The following MERTK variants were observed in gnomAD, a reference collection of about 807,000 sequenced individuals.
MERTK encodes the protein tyrosine-protein kinase Mer.
Under a neutral mutation model 99.3 loss-of-function variants are expected in MERTK, and 69 were observed. The observed-to-expected ratio is 0.70, with a 90% CI of 0.57 to 0.85. MERTK has a LOEUF of 0.85. MERTK is among the 40% of genes least tolerant of loss of function. The pLI, the probability that MERTK is intolerant of heterozygous loss-of-function variation, is 0.00. For missense variants in MERTK, 1,125 were observed against 1,249.4 expected (o/e 0.90, Z 1.50); for synonymous variants, 426 against 467.6 (o/e 0.91, Z 1.15).
intron 6 of MERTK, among the ~76,000 whole-genome samples, chr2:111,970,372 T>C (rs1676080363): frequency 6.6e-6 from 1 of 151,706 alleles, no homozygotes; most frequent in South Asian, 2.1e-4. Flanking sequence ...GACCAGGCTG[T>C]TCTCAAACTC....
At chr2:111,929,602 A>ATTTATTTATTTAC in intron 2 of MERTK, 62 bp downstream of exon 2, 4 of 1,268,074 alleles carry the variant, frequency 3.2e-6, no homozygotes, top group African/African-American at 1.5e-5. Context: ...TTATTTACTT[A>ATTTATTTATTTAC]TTGAGACAGA....
intron 8 of MERTK, among the ~76,000 whole-genome samples, chr2:111,987,471 C>T (rs756214705): frequency 4.6e-5 from 7 of 152,148 alleles, no homozygotes; most frequent in Non-Finnish European, 8.8e-5. Flanking sequence ...GGAGGCAGGT[C>T]TTGCTCGTCT....
intron 4 of MERTK, among the ~76,000 whole-genome samples, chr2:111,963,844 T>C (rs1685303658): frequency 6.6e-6 from 1 of 152,144 alleles, no homozygotes. Context: ...AGGTGTTTTG[T>C]AGAATGTCCC....
intron 2 of MERTK, among the ~76,000 whole-genome samples, chr2:111,937,461 C>T (rs1479809000): frequency 1.3e-5 from 2 of 151,952 alleles, no homozygotes; most frequent in East Asian, 1.9e-4. Context: ...CAAAACAAAA[C>T]AAAAGTGGGT....
In MERTK at chr2:111,997,367, G is replaced by C; in HGVS notation, c.1495G>C (p.Ala499Pro). ...APSSTPAPGNADPVLIIFGCF... is the reference protein window; with the variant it reads ...APSSTPAPGNPDPVLIIFGCF... ...CTCTTCAACTCCGGCGCCTGGCAAC[G>C]CAGATCCTGTGCTCATCATCTTTGG... The change falls in exon 10 of 19, where the codon GCA (alanine) becomes CCA (proline). Residue 499 changes from alanine to proline, a missense_variant. By Grantham distance (27) the Ala-to-Pro change is conservative (BLOSUM62 -1). Transcript: ENST00000295408. The C allele has an allele frequency of 1.9e-6, 3 of 1,614,156 alleles. No homozygotes were observed. Among genetic ancestry groups the C allele is most frequent in the Non-Finnish European group, 2.5e-6 (3 of 1,180,026 alleles).
intron 1 of MERTK, among the ~76,000 whole-genome samples, chr2:111,914,260 C>T (rs943778063): frequency 1.3e-5 from 2 of 151,622 alleles, no homozygotes; most frequent in Admixed American, 6.6e-5. Context: ...TGCACCACCA[C>T]GCCCGGCTAA....
Position 111,968,201 on chromosome 2 carries a change from C to G in MERTK, c.909C>G (p.Ser303=), listed in dbSNP as rs757475529. ...RNSTAHSILI[S]WVPGFDGYSP... ...GCACTGCACACAGCATTCTGATCTCCTGGGTTCCTGGTTTTGATGGATACT... is the reference window on the plus strand; with the variant it reads ...GCACTGCACACAGCATTCTGATCTCGTGGGTTCCTGGTTTTGATGGATACT... The change falls in exon 6 of 19, where the codon TCC becomes TCG. Residue 303 remains serine (S), a synonymous_variant. Transcript: ENST00000295408. The G allele has an allele frequency of 1.2e-6, 2 of 1,614,072 alleles. No homozygotes were observed. The highest frequency in any genetic ancestry group is 1.7e-6 in the Non-Finnish European group (2 of 1,180,026).
chr2:111,972,915 C>T (rs911575485), intron 6 of MERTK, among the ~76,000 whole-genome samples: 5 of 152,120 alleles, frequency 3.3e-5, no homozygotes, highest in African/African-American at 1.2e-4. Context: ...TTGAAGGGAC[C>T]AAGTATGGCT....
At chr2:111,941,736 TA>T (rs1431093086) in intron 2 of MERTK, among the ~76,000 whole-genome samples, 2 of 152,160 alleles carry the variant, frequency 1.3e-5, no homozygotes, top group Non-Finnish European at 2.9e-5. Context: ...TGCTGTAATA[TA>T]GGTGGCATGG....
At chr2:111,977,402 C>T (rs1676274880) in intron 7 of MERTK, among the ~76,000 whole-genome samples, 2 of 152,166 alleles carry the variant, frequency 1.3e-5, no homozygotes, top group African/African-American at 4.8e-5. Flanking sequence ...TATCTTCTCG[C>T]TTGCATTGTT....
At chr2:112,023,149 T>C (rs191265921) in intron 18 of MERTK, among the ~76,000 whole-genome samples, 45 of 152,240 alleles carry the variant, frequency 3.0e-4, no homozygotes, top group African/African-American at 1.1e-3. Flanking sequence ...GTGCGGTGGC[T>C]CACGCTTGTA....
At position 112,028,427 on chromosome 2, in the gene MERTK, GAA is replaced by G. The variant is rs1677514061; in HGVS notation, c.2567_2568del (p.Lys856ThrfsTer7). ...CTTTTCAGTATTGAGGCTGCAGCTA[GAA>G]AAACTCTTAGAAAGTTTGCCTGACG... ...PTFSVLRLQLEKLLESLPDVR... is the reference protein window; with the variant it reads ...PTFSVLRLQLXKLLESLPDVR... On this transcript the variant is annotated frameshift_variant, in exon 19 of 19. Transcript: ENST00000295408. LOFTEE classifies it low-confidence loss of function (END_TRUNC). 6.2e-7 allele frequency: 1 copy of G among 1,614,158 alleles called. No homozygotes were observed. Among genetic ancestry groups the G allele is most frequent in the Non-Finnish European group, 8.5e-7 (1 of 1,180,028 alleles).
chr2:111,997,862 G>A (rs1434353420), intron 10 of MERTK, among the ~76,000 whole-genome samples: 1 of 152,312 alleles, frequency 6.6e-6, no homozygotes, highest in East Asian at 1.9e-4. Context: ...GACCAGCCTG[G>A]CCACCATGGC....
chr2:111,960,728 AT>A (rs1685234591), intron 4 of MERTK, among the ~76,000 whole-genome samples: 1 of 151,930 alleles, frequency 6.6e-6, no homozygotes, highest in African/African-American at 2.4e-5. Context: ...TTAAGATGAA[AT>A]TCTTGGGGCT....
intron 10 of MERTK, 123 bp downstream of exon 10, chr2:111,997,599 C>A: frequency 8.6e-7 from 1 of 1,168,182 alleles, no homozygotes; most frequent in Non-Finnish European, 1.2e-6. Flanking sequence ...CTGCCTTATG[C>A]ATACCCTGGG....
chr2:111,991,559 A>G (rs1301548548), intron 8 of MERTK, among the ~76,000 whole-genome samples: 3 of 152,058 alleles, frequency 2.0e-5, no homozygotes, highest in Non-Finnish European at 1.5e-5. Flanking sequence ...TATCACCAGA[A>G]TATTAAAAAA....
intron 13 of MERTK, among the ~76,000 whole-genome samples, chr2:112,006,950 T>A (rs945635889): frequency 1.3e-5 from 2 of 152,204 alleles, no homozygotes; most frequent in Admixed American, 1.3e-4. Context: ...TTAGATGCCC[T>A]CATGCATGAT....
Position 111,965,228 on chromosome 2 carries a change from C to T in MERTK, c.795C>T (p.His265=), listed in dbSNP as rs1300268431. 1.9e-6 allele frequency: 3 copies of T among 1,614,218 alleles called. No individual in the cohort carries two copies. The highest frequency in any genetic ancestry group is 8.5e-7 in the Non-Finnish European group (1 of 1,180,030). The stretch of plus-strand genomic sequence containing the variant: ...TGGCGGTCTTCAGTTGTGAGGCCCA[C>T]AATGACAAAGGGCTGACCGTGTCCA... ...TEMAVFSCEA[H]NDKGLTVSKG... Residue 265 remains histidine (H), a synonymous_variant, in exon 5 of 19, where the codon CAC becomes CAT. Transcript: ENST00000295408.
chr2:111,971,866 A>G (rs1676126002), intron 6 of MERTK, among the ~76,000 whole-genome samples: 3 of 152,164 alleles, frequency 2.0e-5, no homozygotes, highest in Admixed American at 6.5e-5. Context: ...ACTCTGTCTC[A>G]TGGTTCCATC....
Sources: allele counts gnomAD v4.1 joint callset (sites outside exome capture counted in the v4.1 genomes callset), GRCh38; gene constraint gnomAD v4.1.1; transcripts MANE v1.5; gene names NCBI Gene and HGNC (gene_info 2026-07-23, HGNC 2026-07-21).